Variants in RP1 observed in about 807,000 individuals in gnomAD.
The protein encoded by RP1 is RP1 axonemal microtubule associated, also known as oxygen-regulated protein 1.
RP1 carries 16 observed loss-of-function variants against 14.8 expected under a neutral mutation model. The ratio of observed to expected loss-of-function variants is 1.08; its 90% confidence interval spans 0.73 to 1.65. The LOEUF (loss-of-function observed/expected upper bound fraction) is 1.65, where lower values mean the gene tolerates loss of function less well. Ranked by LOEUF, RP1 falls within the 40% of genes most tolerant of loss-of-function variation. RP1 has a pLI of 0.00. For missense variants in RP1, 2,631 were observed against 2,535.0 expected, an observed-to-expected ratio of 1.04 and a Z score of -0.81; for synonymous variants, 876 against 883.6, an observed-to-expected ratio of 0.99 and a Z score of 0.15.
intron 1 of RP1, among the ~76,000 whole-genome samples, chr8:54,587,123 G>A (rs146965381): frequency 5.3e-4 from 80 of 152,240 alleles, no homozygotes; most frequent in East Asian, 2.5e-3. Flanking sequence ...GTTCCTATTC[G>A]GCCATCTTGT....
At chr8:54,735,602 A>G (rs1808899611) in intron 18 of RP1, among the ~76,000 whole-genome samples, 1 of 152,220 alleles carries the variant, frequency 6.6e-6, no homozygotes, top group South Asian at 2.1e-4. Context: ...AATGGTTTCT[A>G]GATTCTTAGA....
chr8:54,676,353 T>G (rs1585598483), intron 8 of RP1, among the ~76,000 whole-genome samples: 1 of 151,482 alleles, frequency 6.6e-6, no homozygotes, highest in African/African-American at 2.4e-5. Flanking sequence ...GTAGTAGGGG[T>G]TTTTCCGTTG....
intron 24 of RP1, among the ~76,000 whole-genome samples, chr8:54,830,647 T>A (rs1293858068): frequency 1.2e-4 from 18 of 152,170 alleles, no homozygotes; most frequent in Admixed American, 1.2e-3. Context: ...AGTCTGATAA[T>A]CTCTGCCATT....
At chr8:54,713,402 C>A (rs543361699) in intron 15 of RP1, among the ~76,000 whole-genome samples, 2 of 151,828 alleles carry the variant, frequency 1.3e-5, no homozygotes, top group South Asian at 4.2e-4. Flanking sequence ...AGCATGAATA[C>A]AAAGGAAAAA....
In RP1 at chr8:54,621,312, G is replaced by C; in HGVS notation, c.346G>C (p.Asp116His). Reference protein sequence around the residue: ...CSHGRKVQPVDLDKARRRPRP... With the variant: ...CSHGRKVQPVHLDKARRRPRP... ...CCACGGCAGGAAGGTGCAGCCTGTA[G>C]ACCTGGACAAAGCCCGTCGGCGCCC... The change falls in exon 2 of 4, where the codon GAC becomes CAC. Residue 116 changes from aspartate (D) to histidine (H), a missense_variant. Asp to His is a moderately conservative substitution (Grantham distance 81). Transcript: ENST00000220676. 6.2e-7 allele frequency: 1 copy of C among 1,613,392 alleles called. No individual in the cohort carries two copies. Among genetic ancestry groups the C allele is most frequent in the Non-Finnish European group, 8.5e-7 (1 of 1,179,724 alleles).
chr8:54,856,945 T>C, intron 26 of RP1: 1 of 381,518 alleles, frequency 2.6e-6, no homozygotes, highest in Non-Finnish European at 4.5e-6. Context: ...ATAGTAACAA[T>C]ATAGTATCAA....
chr8:54,600,125 T>C (rs1254460123), intron 1 of RP1, among the ~76,000 whole-genome samples: 1 of 152,082 alleles, frequency 6.6e-6, no homozygotes, highest in Non-Finnish European at 1.5e-5. Context: ...AGGGAACTGG[T>C]GGGAGGTAAC....
intron 27 of RP1, among the ~76,000 whole-genome samples, chr8:54,857,306 A>G (rs1041220115): frequency 6.8e-6 from 1 of 147,600 alleles, no homozygotes; most frequent in Non-Finnish European, 1.5e-5. Flanking sequence ...AATTATATTT[A>G]TATACTATAA....
At chr8:54,821,806 C>A (rs774724808) in intron 24 of RP1, among the ~76,000 whole-genome samples, 4 of 152,144 alleles carry the variant, frequency 2.6e-5, no homozygotes, top group Admixed American at 6.5e-5. Flanking sequence ...CATATTTTGC[C>A]TCTGATAATG....
chr8:54,751,507 A>G (rs1164089671), intron 19 of RP1, among the ~76,000 whole-genome samples: 2 of 152,232 alleles, frequency 1.3e-5, no homozygotes, highest in East Asian at 3.8e-4. Context: ...AATGAGGTAA[A>G]ATAAACTTTC....
At chr8:54,670,552 T>A (rs1807139868) in intron 7 of RP1, among the ~76,000 whole-genome samples, 1 of 115,688 alleles carries the variant, frequency 8.6e-6, no homozygotes, top group Admixed American at 1.0e-4. Flanking sequence ...TGTATGTATA[T>A]GTATATATAT....
downstream of RP1, among the ~76,000 whole-genome samples, chr8:54,773,241 A>G (rs771869306): frequency 1.3e-5 from 2 of 152,168 alleles, no homozygotes; most frequent in African/African-American, 4.8e-5. Context: ...TATGCAGTGG[A>G]TAATTTTTCT....
At chr8:54,859,092 CA>C (rs1282654588) in intron 27 of RP1, among the ~76,000 whole-genome samples, 1 of 151,912 alleles carries the variant, frequency 6.6e-6, no homozygotes, top group Non-Finnish European at 1.5e-5. Context: ...AGAGTTGTTT[CA>C]CTGCAGAGTG....
intron 8 of RP1, among the ~76,000 whole-genome samples, chr8:54,677,652 A>T (rs1807322797): frequency 6.6e-6 from 1 of 152,138 alleles, no homozygotes. Context: ...GCTTGAGTTC[A>T]GGAGTTCAAG....
chr8:54,756,255 A>C (rs2129367712), intron 21 of RP1, among the ~76,000 whole-genome samples: 1 of 152,318 alleles, frequency 6.6e-6, no homozygotes, highest in East Asian at 1.9e-4. Flanking sequence ...GACAAACATA[A>C]GTCTTTCTAT....
At chr8:54,827,468 C>G (rs1811409575) in intron 24 of RP1, among the ~76,000 whole-genome samples, 1 of 151,928 alleles carries the variant, frequency 6.6e-6, no homozygotes, top group Non-Finnish European at 1.5e-5. Context: ...TAGCTGGACT[C>G]CAGGTGCGTG....
At chr8:54,599,528 G>C (rs1000324062) in intron 1 of RP1, among the ~76,000 whole-genome samples, 1 of 151,546 alleles carries the variant, frequency 6.6e-6, no homozygotes, top group Admixed American at 6.6e-5. Flanking sequence ...GCACCGTCTC[G>C]GCTCACTGCA....
downstream of RP1, among the ~76,000 whole-genome samples, chr8:54,632,957 G>GTC (rs1806277427): frequency 6.6e-6 from 1 of 152,118 alleles, no homozygotes; most frequent in East Asian, 1.9e-4. Flanking sequence ...TCAGTCTCTG[G>GTC]TCCCAAGGTG....
chr8:54,720,963 T>C (rs1808521311), intron 16 of RP1, among the ~76,000 whole-genome samples: 1 of 152,234 alleles, frequency 6.6e-6, no homozygotes, highest in East Asian at 1.9e-4. Flanking sequence ...TATCTAATTT[T>C]TGCTTGATAT....
Sources: gnomAD v4.1 joint callset for allele counts (sites outside exome capture counted in the v4.1 genomes callset) on GRCh38, gnomAD v4.1.1 for gene constraint, MANE v1.5 for transcripts, NCBI Gene and HGNC (gene_info 2026-07-23, HGNC 2026-07-21) for gene names.